Variants in GPRIN1 observed in about 807,000 individuals in gnomAD.
GPRIN1 encodes G protein-regulated inducer of neurite outgrowth 1.
A neutral mutation model predicts 2.8 loss-of-function variants in GPRIN1; 4 were observed. That is an observed-to-expected ratio of 1.45 (90% confidence interval 0.71 to 3.32). The LOEUF (loss-of-function observed/expected upper bound fraction) is 3.32. Among genes scored for constraint, GPRIN1 ranks in the 30% most tolerant of loss-of-function variants. GPRIN1 has a pLI of 0.01. For missense variants in GPRIN1, 1,322 were observed against 1,343.4 expected, an observed-to-expected ratio of 0.98 and a Z score of 0.25; for synonymous variants, 589 against 589.9, an observed-to-expected ratio of 1.00 and a Z score of 0.02.
In GPRIN1 at chr5:176,598,058, C is replaced by T. The variant is rs866356516; in HGVS notation, c.1777G>A (p.Val593Met). ...ATAGCTTCTGCTTTTCCCAGGGACA[C>T]GGGATCCACCTTCCCCGAGGGCACC... is the stretch of plus-strand genomic sequence containing the variant. Reference protein sequence around the residue: ...VPVPSGKVDPVSLGKAEAIPE... With the variant: ...VPVPSGKVDPMSLGKAEAIPE... The change falls in exon 2 of 2, where the codon GTG becomes ATG. Residue 593 changes from valine to methionine, a missense_variant. This residue lies in a region of GPRIN1 where 1,117 missense variants were observed against 1,128.6 expected (regional missense o/e 0.99). Coordinates refer to ENST00000303991, the MANE Select transcript of GPRIN1 (RefSeq NM_052899.3). 1 of 1,614,048 alleles carries T rather than the reference C, an allele frequency of 6.2e-7. No individual in the cohort carries two copies.
chr5:176,600,838 C>T (rs935692945), intron 1 of GPRIN1, among the ~76,000 whole-genome samples: 1 of 152,180 alleles, frequency 6.6e-6, no homozygotes, highest in African/African-American at 2.4e-5. Flanking sequence ...ATTGCTTGAA[C>T]CTGAGAGGCA....
chr5:176,605,390 G>C (rs1423907055), intron 1 of GPRIN1, among the ~76,000 whole-genome samples: 1 of 152,148 alleles, frequency 6.6e-6, no homozygotes, highest in Non-Finnish European at 1.5e-5. Context: ...CACCATGCCC[G>C]GCCAAAACAC....
At position 176,597,351 on chromosome 5, in the gene GPRIN1, G is replaced by A; in HGVS notation, c.2484C>T (p.Pro828=). The A allele has an allele frequency of 8.0e-7, 1 of 1,253,400 alleles. No individual in the cohort carries two copies. The highest frequency in any genetic ancestry group is 3.2e-5 in the South Asian group (1 of 31,244). 77.6% of individuals were successfully genotyped at this position (1,253,400 alleles called of 1,614,324 possible). A position where few individuals can be genotyped will look rare whatever the true frequency, so the allele number is the denominator to read the frequency against. The change falls in exon 2 of 2, where the codon CCC becomes CCT. Residue 828 remains proline, a synonymous_variant. Coordinates refer to ENST00000303991, the MANE Select transcript of GPRIN1 (RefSeq NM_052899.3). This position sits in a 1 kb window ranked among gnomAD's most constrained non-coding sequence, Gnocchi z 6.1. ...AQACVSVAVS[P]MSPQDGAGGS... The stretch of plus-strand genomic sequence containing the variant: ...CCCCAGCGCCGTCCTGCGGAGACAT[G>A]GGGCTCACGGCCACTGAGACGCAGG...
chr5:176,609,346 G>A (rs1759274092), intron 1 of GPRIN1, among the ~76,000 whole-genome samples: 1 of 152,142 alleles, frequency 6.6e-6, no homozygotes, highest in Non-Finnish European at 1.5e-5. Context: ...CTGTGCCTGG[G>A]TGTGTACGCA....
chr5:176,599,927 G>T, intron 1 of GPRIN1, 50 bp from the exon 2 acceptor site: 1 of 1,211,478 alleles, frequency 8.3e-7, no homozygotes, highest in Non-Finnish European at 1.1e-6. Flanking sequence ...CAGTGGGGGA[G>T]GAGACTCTGC....
rs1351674169 is a variant in GPRIN1 at position 176,596,935 on chromosome 5, C to A, written c.2900G>T (p.Arg967Leu). ...PPPAARAGPG[R>L]SGSVRTAPPD... is the part of the protein sequence containing the mutation. ...GGGCGCGGTGCGCACCGAGCCCGAA[C>A]GGCCGGGGCCGGCACGGGCGGCGGG... The change falls in exon 2 of 2, where the codon CGT becomes CTT. Residue 967 changes from arginine (R) to leucine (L), a missense_variant. Physicochemically the swap from Arg to Leu is moderately radical, Grantham distance 102 (BLOSUM62 -2). Around this residue, in one of 3 missense-constraint regions of GPRIN1, gnomAD observed 196 missense variants for 189.2 expected, o/e 1.04. Transcript: ENST00000303991. The surrounding 1 kb of genome is among the most constrained non-coding windows in gnomAD (Gnocchi z 5.2). 2 of 1,219,362 alleles carry A rather than the reference C, an allele frequency of 1.6e-6. No homozygotes were observed. The allele number at this position is 1,219,362 out of a possible 1,614,324, so 75.5% of individuals were successfully genotyped here. A position where few individuals can be genotyped will look rare whatever the true frequency, so the allele number is the denominator to read the frequency against.
Position 176,599,727 on chromosome 5 carries a change from CCCCAGGCT to C in GPRIN1, c.100_107del (p.Ser34GlyfsTer26). On this transcript the variant is annotated frameshift_variant, in exon 2 of 2. Coordinates refer to ENST00000303991, the MANE Select transcript of GPRIN1 (RefSeq NM_052899.3). LOFTEE classifies it low-confidence loss of function (END_TRUNC). ...AATCCCTCATAGCCGAGCTGCCAGC[CCCCAGGCT>C]CCCATCCTGTGGGCAGAAGAAGGCT... 6.4e-7 allele frequency: 1 copy of C among 1,556,376 alleles called. No homozygotes were observed. The highest frequency in any genetic ancestry group is 8.7e-7 in the Non-Finnish European group (1 of 1,149,536).
In GPRIN1 at chr5:176,602,705, G is replaced by C. The variant is rs916567353; in HGVS notation, c.-43-2828C>G. Among the ~76,000 whole-genome samples the C allele has an allele frequency of 6.6e-6, 1 of 152,190 alleles. No homozygotes were observed. The highest frequency in any genetic ancestry group is 1.5e-5 in the Non-Finnish European group (1 of 68,044). On this transcript the variant is annotated intron_variant, in intron 1 of 1. Transcript: ENST00000303991. The surrounding 1 kb of genome is among the most constrained non-coding windows in gnomAD (Gnocchi z 4.4). ...CTAAAGATAGACCTGGGGTCCTGAA[G>C]ATGGTCCTGGGGTACACAAGGGCAT...
At chr5:176,608,331 C>G (rs1438950689) in intron 1 of GPRIN1, among the ~76,000 whole-genome samples, 1 of 152,182 alleles carries the variant, frequency 6.6e-6, no homozygotes, top group South Asian at 2.1e-4. Context: ...TCCCCTCCCC[C>G]TGCATACATT....
chr5:176,605,154 T>G (rs1392298081), intron 1 of GPRIN1, among the ~76,000 whole-genome samples: 1 of 150,372 alleles, frequency 6.7e-6, no homozygotes, highest in East Asian at 2.0e-4. Context: ...AGTGCAGTGG[T>G]ACAATCTCAG....
chr5:176,597,262 C>T lies in GPRIN1; in HGVS notation c.2573G>A (p.Gly858Asp). The change falls in exon 2 of 2, where the codon GGC becomes GAC. Residue 858 changes from glycine to aspartate, a missense_variant. Gly to Asp is a moderately conservative substitution (Grantham distance 94). Transcript: ENST00000303991. The surrounding 1 kb of genome is among the most constrained non-coding windows in gnomAD (Gnocchi z 6.1). ...GGCGGCGCCCAGCGACACCTGCAGGCCCGCATCTCGGCGCGAGGGCGGGCT... is the reference window on the plus strand; with the variant it reads ...GGCGGCGCCCAGCGACACCTGCAGGTCCGCATCTCGGCGCGAGGGCGGGCT... ...APSPPSRRDA[G>D]LQVSLGAAET... 8.0e-7 allele frequency: 1 copy of T among 1,244,550 alleles called. No individual in the cohort carries two copies. Among genetic ancestry groups the T allele is most frequent in the Non-Finnish European group, 1.0e-6 (1 of 996,742 alleles). 77.1% of individuals were successfully genotyped at this position (1,244,550 alleles called of 1,614,324 possible). A position where few individuals can be genotyped will look rare whatever the true frequency, so the allele number is the denominator to read the frequency against.
chr5:176,600,005 A>C, intron 1 of GPRIN1, 128 bp from the exon 2 acceptor site: 1 of 503,796 alleles, frequency 2.0e-6, no homozygotes, highest in Non-Finnish European at 3.2e-6. Flanking sequence ...CCTAGACTAA[A>C]AACACAAACC....
At chr5:176,604,686 T>C (rs1337084824) in intron 1 of GPRIN1, among the ~76,000 whole-genome samples, 5 of 152,134 alleles carry the variant, frequency 3.3e-5, no homozygotes, top group Admixed American at 6.5e-5. Context: ...TGCCTCCAGG[T>C]TTCCTAAATT....
In GPRIN1 at chr5:176,597,001, T is replaced by G; in HGVS notation, c.2834A>C (p.Gln945Pro). ...GMAIQKHLER[Q>P]IEEHGRQGAP... is the part of the protein sequence containing the mutation. Reference sequence around the variant, plus strand: ...CCCTTGGCGGCCGTGCTCCTCGATCTGTCGCTCCAGATGCTTCTGGATGGC... The same window carrying G: ...CCCTTGGCGGCCGTGCTCCTCGATCGGTCGCTCCAGATGCTTCTGGATGGC... The change falls in exon 2 of 2, where the codon CAG becomes CCG. Residue 945 changes from glutamine (Q) to proline (P), a missense_variant. Gln to Pro is a moderately conservative substitution (Grantham distance 76). This residue lies in a region of GPRIN1 where 196 missense variants were observed against 189.2 expected (regional missense o/e 1.04). Coordinates refer to ENST00000303991, the MANE Select transcript of GPRIN1 (RefSeq NM_052899.3). This position sits in a 1 kb window ranked among gnomAD's most constrained non-coding sequence, Gnocchi z 6.1. 1 of 1,428,482 alleles carries G rather than the reference T, an allele frequency of 7.0e-7. No individual in the cohort carries two copies. The highest frequency in any genetic ancestry group is 9.2e-7 in the Non-Finnish European group (1 of 1,083,958). The allele number at this position is 1,428,482 out of a possible 1,614,324, so 88.5% of individuals were successfully genotyped here.
In GPRIN1 at chr5:176,597,388, G is replaced by A. The variant is rs907597550; in HGVS notation, c.2447C>T (p.Ala816Val). 5 of 1,281,908 alleles carry A rather than the reference G, an allele frequency of 3.9e-6. No individual in the cohort carries two copies. Among genetic ancestry groups the A allele is most frequent in the Non-Finnish European group, 4.9e-6 (5 of 1,018,596 alleles). The allele number at this position is 1,281,908 out of a possible 1,614,324, so 79.4% of individuals were successfully genotyped here. A position where few individuals can be genotyped will look rare whatever the true frequency, so the allele number is the denominator to read the frequency against. Residue 816 changes from alanine (A) to valine (V), a missense_variant, in exon 2 of 2, where the codon GCG becomes GTG. Around this residue, in one of 3 missense-constraint regions of GPRIN1, gnomAD observed 1,117 missense variants for 1,128.6 expected, o/e 0.99. Transcript: ENST00000303991. The surrounding 1 kb of genome is among the most constrained non-coding windows in gnomAD (Gnocchi z 6.1). ...PPPREDAGTQ[A>V]GAQACVSVAV... ...CACTGAGACGCAGGCCTGCGCGCCC[G>A]CCTGAGTGCCCGCGTCCTCGCGCGG...
chr5:176,609,204 T>C (rs78331315), intron 1 of GPRIN1, among the ~76,000 whole-genome samples: 9 of 152,242 alleles, frequency 5.9e-5, no homozygotes, highest in Non-Finnish European at 1.2e-4. Context: ...CCAGGGTATC[T>C]GGGTACGCAA....
chr5:176,596,958 G>T lies in GPRIN1; in HGVS notation c.2877C>A (p.Pro959=), dbSNP rs759684736. 2 of 1,325,150 alleles carry T rather than the reference G, an allele frequency of 1.5e-6. No homozygotes were observed. The highest frequency in any genetic ancestry group is 2.3e-5 in the South Asian group (1 of 43,786). The allele number at this position is 1,325,150 out of a possible 1,614,324, so 82.1% of individuals were successfully genotyped here. A position where few individuals can be genotyped will look rare whatever the true frequency, so the allele number is the denominator to read the frequency against. The part of the protein sequence containing the change: ...HGRQGAPAPP[P]AARAGPGRSG... ...AACGGCCGGGGCCGGCACGGGCGGC[G>T]GGCGGCGGCGCGGGCGCCCCTTGGC... Residue 959 remains proline, a synonymous_variant, in exon 2 of 2, where the codon CCC becomes CCA. Coordinates refer to ENST00000303991, the MANE Select transcript of GPRIN1 (RefSeq NM_052899.3). The surrounding 1 kb of genome is among the most constrained non-coding windows in gnomAD (Gnocchi z 5.2).
chr5:176,607,469 G>A (rs1434656899), intron 1 of GPRIN1, among the ~76,000 whole-genome samples: 1 of 152,108 alleles, frequency 6.6e-6, no homozygotes, highest in East Asian at 1.9e-4. Flanking sequence ...TCAGCCTCCC[G>A]AGTAGCTGGG....
chr5:176,597,666 G>A lies in GPRIN1; in HGVS notation c.2169C>T (p.Ser723=), dbSNP rs1338456812. The change falls in exon 2 of 2, where the codon TCC becomes TCT. Residue 723 remains serine, a synonymous_variant. Transcript: ENST00000303991. This position sits in a 1 kb window ranked among gnomAD's most constrained non-coding sequence, Gnocchi z 6.1. ...LSLEKTKPSS[S]SRQLDRKALG... is the part of the protein sequence containing the mutation. ...GGGCTTTGCGGTCTAACTGCCTGGA[G>A]GAGGAGGACGGCTTGGTCTTCTCCA... 4 of 1,595,572 alleles carry A rather than the reference G, an allele frequency of 2.5e-6. No homozygotes were observed. The highest frequency in any genetic ancestry group is 2.6e-6 in the Non-Finnish European group (3 of 1,172,524).
Sources: gnomAD v4.1 joint callset for allele counts (sites outside exome capture counted in the v4.1 genomes callset) on GRCh38, gnomAD v4.1.1 for gene constraint, gnomAD v4.1.1 regional missense constraint, Gnocchi (gnomAD v3.1) non-coding constraint, MANE v1.5 for transcripts, NCBI Gene and HGNC (gene_info 2026-07-23, HGNC 2026-07-21) for gene names.